Variants in SLC39A11 observed in about 807,000 individuals in gnomAD.
SLC39A11 encodes solute carrier family 39 member 11, also known as zinc transporter ZIP11.
In SLC39A11, 33 loss-of-function variants were observed where a neutral mutation model predicts 36.1. The ratio of observed to expected loss-of-function variants is 0.91; its 90% CI spans 0.69 to 1.22. SLC39A11 has a LOEUF of 1.22. Among genes scored for constraint, SLC39A11 ranks in the 50% most tolerant of loss-of-function variants. The probability of loss-of-function intolerance (pLI) is 0.00; values close to 1 mark genes in which losing one functional copy is unlikely to be tolerated. For synonymous variants in SLC39A11, 166 were observed against 170.3 expected (o/e 0.97, Z 0.20); for missense variants, 432 against 430.3 (o/e 1.00, Z -0.03).
At chr17:73,091,064 G>T (rs768141937) in intron 1 of SLC39A11, among the ~76,000 whole-genome samples, 1 of 152,134 alleles carries the variant, frequency 6.6e-6, no homozygotes, top group Non-Finnish European at 1.5e-5. Flanking sequence ...TCTGAATCAG[G>T]GTCTGCATTT....
intron 7 of SLC39A11, among the ~76,000 whole-genome samples, chr17:72,723,565 C>T (rs2143640684): frequency 6.6e-6 from 1 of 152,296 alleles, no homozygotes; most frequent in South Asian, 2.1e-4. Flanking sequence ...AGAGTGCTAA[C>T]TTCAGAACAC....
At chr17:72,788,904 T>C (rs536381899) in intron 6 of SLC39A11, among the ~76,000 whole-genome samples, 1 of 152,352 alleles carries the variant, frequency 6.6e-6, no homozygotes, top group African/African-American at 2.4e-5. Context: ...ACAGGTGACA[T>C]GTACTGTGGC....
chr17:72,970,178 T>A (rs1267311599), intron 4 of SLC39A11, among the ~76,000 whole-genome samples: 1 of 152,198 alleles, frequency 6.6e-6, no homozygotes, highest in Non-Finnish European at 1.5e-5. Flanking sequence ...CAGGTCACGG[T>A]CATTTGGTGG....
intron 5 of SLC39A11, among the ~76,000 whole-genome samples, chr17:72,933,214 T>C (rs748382410): frequency 6.6e-5 from 10 of 152,122 alleles, no homozygotes; most frequent in Non-Finnish European, 1.5e-4. Flanking sequence ...AACCAATAAA[T>C]GAGTTTAGTG....
chr17:72,946,630 G>A (rs1416234485), intron 5 of SLC39A11, among the ~76,000 whole-genome samples: 1 of 152,216 alleles, frequency 6.6e-6, no homozygotes, highest in Non-Finnish European at 1.5e-5. Flanking sequence ...CCACATAAGC[G>A]AGGAGGGGCC....
chr17:72,697,456 A>G (rs2072360616), intron 7 of SLC39A11, among the ~76,000 whole-genome samples: 1 of 152,174 alleles, frequency 6.6e-6, no homozygotes, highest in South Asian at 2.1e-4. Context: ...ATTTGCTCCC[A>G]GTAAGATCAG....
chr17:72,710,755 T>A (rs1324408330), intron 7 of SLC39A11, among the ~76,000 whole-genome samples: 1 of 152,242 alleles, frequency 6.6e-6, no homozygotes, highest in Non-Finnish European at 1.5e-5. Flanking sequence ...CTTCCTAGAT[T>A]ATTTTAGTTG....
chr17:72,785,349 T>G (rs1598728944), intron 6 of SLC39A11, among the ~76,000 whole-genome samples: 1 of 152,106 alleles, frequency 6.6e-6, no homozygotes, highest in African/African-American at 2.4e-5. Context: ...CATGGCTAGA[T>G]GTTTGTAGGC....
intron 5 of SLC39A11, among the ~76,000 whole-genome samples, chr17:72,916,534 A>G (rs2147188637): frequency 6.6e-6 from 1 of 152,224 alleles, no homozygotes; most frequent in African/African-American, 2.4e-5. Context: ...CACTGCTGCC[A>G]CTTTTCCAGG....
intron 4 of SLC39A11, among the ~76,000 whole-genome samples, chr17:72,993,904 A>G (rs999482775): frequency 6.6e-5 from 10 of 152,076 alleles, no homozygotes; most frequent in South Asian, 4.1e-4. Flanking sequence ...CTTGAATTGT[A>G]GCTCCCACAA....
chr17:72,648,608 AC>A (rs1440721778), intron 9 of SLC39A11, among the ~76,000 whole-genome samples, 194 bp downstream of exon 9: 2 of 152,024 alleles, frequency 1.3e-5, no homozygotes, highest in Non-Finnish European at 2.9e-5. Flanking sequence ...TCATTTCTTG[AC>A]CCACATGCCC....
intron 5 of SLC39A11, among the ~76,000 whole-genome samples, chr17:72,851,557 G>A (rs968925849): frequency 8.5e-5 from 13 of 152,290 alleles, no homozygotes; most frequent in South Asian, 2.1e-4. Context: ...GAGTTGCTTC[G>A]CAGTGAACTA....
At chr17:72,701,550 A>C (rs1284597099) in intron 7 of SLC39A11, among the ~76,000 whole-genome samples, 4 of 152,022 alleles carry the variant, frequency 2.6e-5, no homozygotes, top group Non-Finnish European at 1.5e-5. Flanking sequence ...CAACATGGTG[A>C]AACCCTGTCT....
chr17:72,906,862 G>T (rs369918686), intron 5 of SLC39A11, among the ~76,000 whole-genome samples: 57 of 152,306 alleles, frequency 3.7e-4, no homozygotes, highest in African/African-American at 1.3e-3. Context: ...TAAAGTGTAC[G>T]AGAACATGGA....
At chr17:72,847,946 CAAG>C (rs1282921732) in intron 6 of SLC39A11, among the ~76,000 whole-genome samples, 1 of 152,164 alleles carries the variant, frequency 6.6e-6, no homozygotes, top group African/African-American at 2.4e-5. Flanking sequence ...ATGTATCACC[CAAG>C]GATGCTCCCT....
intron 5 of SLC39A11, among the ~76,000 whole-genome samples, chr17:72,911,890 C>T (rs1056720200): frequency 3.3e-5 from 5 of 152,136 alleles, no homozygotes; most frequent in Non-Finnish European, 5.9e-5. Context: ...GTGATCTGCC[C>T]GCCTTGGCCT....
At chr17:72,719,715 C>G (rs1313998738) in intron 7 of SLC39A11, among the ~76,000 whole-genome samples, 4 of 152,306 alleles carry the variant, frequency 2.6e-5, no homozygotes, top group East Asian at 3.9e-4. Context: ...GGCCCTCCCT[C>G]CCCCAAGGTC....
At chr17:72,875,024 G>A (rs575290805) in intron 5 of SLC39A11, among the ~76,000 whole-genome samples, 1 of 152,206 alleles carries the variant, frequency 6.6e-6, no homozygotes, top group East Asian at 1.9e-4. Flanking sequence ...CACTCAGATG[G>A]GCAAATATAT....
At chr17:72,675,705 T>C (rs955624230) in intron 7 of SLC39A11, among the ~76,000 whole-genome samples, 5 of 146,032 alleles carry the variant, frequency 3.4e-5, no homozygotes, top group African/African-American at 1.2e-4. Context: ...GTGTGTAAGA[T>C]GGTGTTTCAC....
Sources: allele counts gnomAD v4.1 joint callset (sites outside exome capture counted in the v4.1 genomes callset), GRCh38; gene constraint gnomAD v4.1.1; transcripts MANE v1.5; gene names NCBI Gene and HGNC (gene_info 2026-07-23, HGNC 2026-07-21).